The following SFTPC variants were observed in gnomAD, a reference collection of about 807,000 sequenced individuals.
The protein encoded by SFTPC is BRICHOS domain containing 6.
Under a neutral mutation model 19.9 loss-of-function variants are expected in SFTPC, and 12 were observed. The observed-to-expected ratio is 0.60, with a 90% confidence interval of 0.39 to 0.98. SFTPC has a LOEUF of 0.98. Ranked by LOEUF, SFTPC falls within the 50% of genes least tolerant of loss-of-function variation. SFTPC has a pLI of 0.00. For missense variants in SFTPC, 219 were observed against 252.2 expected (o/e 0.87, Z 0.89); for synonymous variants, 123 against 103.3 (o/e 1.19, Z -1.16).
chr8:22,162,726 G>A lies in SFTPC; in HGVS notation c.195G>A (p.Thr65=), dbSNP rs188074517. ...GTCTCCACATGAGCCAGAAACACAC[G>A]GAGATGGTGAGAGGTGTGGGATGCA... ...LMGLHMSQKH[T]EMVLEMSIGA... The change falls in exon 2 of 6, where the codon ACG becomes ACA. Residue 65 remains threonine (T), a synonymous_variant. Transcript: ENST00000679463. 41 of 1,614,154 alleles carry A rather than the reference G, an allele frequency of 2.5e-5. No individual in the cohort carries two copies. The highest frequency in any genetic ancestry group is 1.2e-4 in the Admixed American group (7 of 60,030).
chr8:22,159,765 G>GC (rs1160714931), upstream of SFTPC: 3 of 1,289,314 alleles, frequency 2.3e-6, no homozygotes, highest in Non-Finnish European at 3.0e-6. Flanking sequence ...GAACAACATG[G>GC]CCCCCCGAGA....
intron 1 of SFTPC, 72 bp downstream of exon 1, chr8:22,161,942 C>A (rs1382384806): frequency 6.9e-7 from 1 of 1,441,216 alleles, no homozygotes; most frequent in Non-Finnish European, 9.8e-7. Flanking sequence ...CCTCCTCTAT[C>A]CTCCCTGGCC....
chr8:22,159,304 A>T (rs758730009), upstream of SFTPC, among the ~76,000 whole-genome samples: 3 of 152,198 alleles, frequency 2.0e-5, no homozygotes, highest in Non-Finnish European at 4.4e-5. Context: ...TTAAATAAAT[A>T]AAATAAAAAT....
chr8:22,162,432 T>C (rs920926926), intron 1 of SFTPC, 142 bp from the exon 2 acceptor site: 4 of 896,116 alleles, frequency 4.5e-6, no homozygotes, highest in Admixed American at 1.8e-5. Flanking sequence ...CCTTCTCTGA[T>C]CTCCTCAGCC....
chr8:22,162,977 A>G, intron 2 of SFTPC, 103 bp from the exon 3 acceptor site: 1 of 1,539,418 alleles, frequency 6.5e-7, no homozygotes, highest in Non-Finnish European at 8.9e-7. Flanking sequence ...AACTCTTGGG[A>G]AAGAGGGAAG....
At chr8:22,158,701 C>G (rs1309208159), upstream of SFTPC, 1 of 152,236 alleles carries the variant, frequency 6.6e-6, no homozygotes, top group African/African-American at 2.4e-5. Flanking sequence ...TAGTACCTGA[C>G]CCATCTCACA....
Position 22,164,316 on chromosome 8 carries a change from T to C in SFTPC, c.*69T>C, listed in dbSNP as rs1458037882. 1 of 1,536,162 alleles carries C rather than the reference T, an allele frequency of 6.5e-7. No homozygotes were observed. Among genetic ancestry groups the C allele is most frequent in the Non-Finnish European group, 8.7e-7 (1 of 1,146,922 alleles). ...GGAAACGCCCCGGGCAAAGGGTCTT[T>C]TGCAGCTTTTGCAGACGGGCAAGAA... On this transcript the variant is annotated 3_prime_UTR_variant, in exon 6 of 6. Coordinates refer to ENST00000679463, the MANE Select transcript of SFTPC (RefSeq NM_001317778.2).
chr8:22,163,932 G>T lies in SFTPC; in HGVS notation c.467G>T (p.Gly156Val). The T allele has an allele frequency of 6.2e-7, 1 of 1,613,898 alleles. No homozygotes were observed. Among genetic ancestry groups the T allele is most frequent in the Non-Finnish European group, 8.5e-7 (1 of 1,180,034 alleles). Residue 156 changes from glycine to valine, a missense_variant, in exon 5 of 6, where the codon GGC becomes GTC. Transcript: ENST00000679463. ...AKPAVPTSKL[G>V]QAEGRDAGSA... The stretch of plus-strand genomic sequence containing the variant: ...CCCGCAGTGCCTACGTCTAAGCTGG[G>T]CCAGGCAGAGGGGCGAGATGCAGGC...
chr8:22,163,839 A>G (rs1489428879), intron 4 of SFTPC, 62 bp from the exon 5 acceptor site: 4 of 1,450,960 alleles, frequency 2.8e-6, no homozygotes, highest in African/African-American at 2.8e-5. Context: ...AAGTCCCACA[A>G]TAAGGGCTGC....
upstream of SFTPC, chr8:22,159,748 C>CA (rs1827638512): frequency 3.9e-6 from 5 of 1,287,538 alleles, no homozygotes; most frequent in Non-Finnish European, 5.1e-6. Flanking sequence ...GAACAAGTCC[C>CA]ACGTGAGAAC....
In SFTPC at chr8:22,162,652, G is replaced by T; in HGVS notation, c.121G>T (p.Val41Leu). The T allele has an allele frequency of 1.2e-6, 2 of 1,614,224 alleles. No individual in the cohort carries two copies. The highest frequency in any genetic ancestry group is 1.7e-6 in the Non-Finnish European group (2 of 1,180,018). The part of the protein sequence containing the change: ...VHLKRLLIVV[V>L]VVVLIVVVIV... ...CCTGAAACGCCTTCTTATCGTGGTG[G>T]TGGTGGTGGTCCTCATCGTCGTGGT... Residue 41 changes from valine to leucine, a missense_variant, in exon 2 of 6, where the codon GTG becomes TTG. Val to Leu is a conservative substitution (Grantham distance 32). Transcript: ENST00000679463.
At chr8:22,164,223 C>A in intron 5 of SFTPC, 43 bp from the exon 6 acceptor site, 1 of 1,516,310 alleles carries the variant, frequency 6.6e-7, no homozygotes, top group South Asian at 1.2e-5. Flanking sequence ...TTCCCACTCC[C>A]CTGATTCTCT....
At chr8:22,162,098 G>A (rs549398477) in intron 1 of SFTPC, among the ~76,000 whole-genome samples, 17 of 152,200 alleles carry the variant, frequency 1.1e-4, no homozygotes, top group South Asian at 2.1e-4. Context: ...AGGGCTGTCC[G>A]TAGACAGCCC....
At chr8:22,162,546 T>C (rs762202388) in intron 1 of SFTPC, 28 bp from the exon 2 acceptor site, 12 of 1,612,594 alleles carry the variant, frequency 7.4e-6, no homozygotes, top group Non-Finnish European at 9.3e-6. Context: ...ACCTCATGCC[T>C]GTCTCCTTGC....
upstream of SFTPC, chr8:22,159,936 C>A: frequency 1.1e-6 from 1 of 873,318 alleles, no homozygotes; most frequent in African/African-American, 1.7e-5. Context: ...GGGGTGGGCA[C>A]TGCAGGCGAG....
intron 2 of SFTPC, 66 bp downstream of exon 2, chr8:22,162,798 G>T: frequency 6.3e-7 from 1 of 1,593,356 alleles, no homozygotes; most frequent in Admixed American, 1.7e-5. Flanking sequence ...AGGTGGGATG[G>T]GCGATAGGAA....
Position 22,164,331 on chromosome 8 carries a change from AC to A in SFTPC, c.*85del. ...AAAGGGTCTTTTGCAGCTTTTGCAG[AC>A]GGGCAAGAAGCTGCTTCTGCCCACA... On this transcript the variant is annotated 3_prime_UTR_variant, in exon 6 of 6. Coordinates refer to ENST00000679463, the MANE Select transcript of SFTPC (RefSeq NM_001317778.2). 1.3e-6 allele frequency: 2 copies of A among 1,536,166 alleles called. No individual in the cohort carries two copies. The highest frequency in any genetic ancestry group is 1.7e-6 in the Non-Finnish European group (2 of 1,146,908).
At chr8:22,162,874 G>A in intron 2 of SFTPC, 142 bp downstream of exon 2, 1 of 1,357,270 alleles carries the variant, frequency 7.4e-7, no homozygotes, top group South Asian at 1.2e-5. Context: ...GCACGAACCA[G>A]GCAGCAACCC....
chr8:22,160,548 C>T (rs1586416169), upstream of SFTPC, among the ~76,000 whole-genome samples: 1 of 152,176 alleles, frequency 6.6e-6, no homozygotes, highest in East Asian at 1.9e-4. Context: ...GAGGTCAACG[C>T]TGCAGTGAGC....
Sources: gnomAD v4.1 joint callset for allele counts (sites outside exome capture counted in the v4.1 genomes callset) on GRCh38, gnomAD v4.1.1 for gene constraint, MANE v1.5 for transcripts, NCBI Gene and HGNC (gene_info 2026-07-23, HGNC 2026-07-21) for gene names.